Variants in TAOK3 observed in about 807,000 individuals in gnomAD.
TAOK3 encodes the protein TAO kinase 3.
In TAOK3, 40 loss-of-function variants were observed where a neutral mutation model predicts 120.4. That is an observed-to-expected ratio of 0.33 (90% CI 0.26 to 0.43). The LOEUF is 0.43. TAOK3 is among the 20% of genes least tolerant of loss of function. TAOK3 has a pLI of 1.00. For missense variants in TAOK3, 821 were observed against 1,112.1 expected (o/e 0.74, Z 3.72); for synonymous variants, 355 against 387.5 (o/e 0.92, Z 0.99).
intron 17 of TAOK3, among the ~76,000 whole-genome samples, chr12:118,171,523 A>T (rs2035994664): frequency 6.6e-6 from 1 of 152,006 alleles, no homozygotes; most frequent in African/African-American, 2.4e-5. Flanking sequence ...TGCCCAGGTA[A>T]TTTTTGTATT....
chr12:118,370,991 T>G (rs2045876905), intron 1 of TAOK3, among the ~76,000 whole-genome samples: 1 of 152,212 alleles, frequency 6.6e-6, no homozygotes, highest in Non-Finnish European at 1.5e-5. Flanking sequence ...CTCCAAAACC[T>G]CTTTTGAAAA....
chr12:118,229,242 A>G (rs1388145341), intron 9 of TAOK3, among the ~76,000 whole-genome samples: 1 of 151,996 alleles, frequency 6.6e-6, no homozygotes, highest in Non-Finnish European at 1.5e-5. Context: ...CTGGGATTAT[A>G]GGCGTGCATC....
intron 2 of TAOK3, 100 bp downstream of exon 2, chr12:118,266,555 C>T: frequency 2.5e-6 from 1 of 392,646 alleles, no homozygotes; most frequent in Non-Finnish European, 4.5e-6. Flanking sequence ...TTTTTACTTT[C>T]CCTTTTATTT....
rs542524497 is a variant in TAOK3 at position 118,323,008 on chromosome 12, G to A, written c.-194+49640C>T. Reference sequence around the variant, plus strand: ...ATTACAGGCATGAGTCACCCCGCCCGGACTTAAAACCCATTTTAAGCATCC... The same window carrying A: ...ATTACAGGCATGAGTCACCCCGCCCAGACTTAAAACCCATTTTAAGCATCC... On this transcript the variant is annotated intron_variant, in intron 1 of 20. Transcript: ENST00000392533. Among the ~76,000 whole-genome samples, 51 of 151,842 alleles carry A rather than the reference G, an allele frequency of 3.4e-4. 1 individual carries two copies. Among genetic ancestry groups the A allele is most frequent in the Non-Finnish European group, 1.2e-4 (8 of 67,986 alleles).
intron 14 of TAOK3, among the ~76,000 whole-genome samples, 161 bp from the exon 15 acceptor site, chr12:118,181,768 T>C (rs979319192): frequency 1.4e-4 from 22 of 152,246 alleles, no homozygotes; most frequent in Admixed American, 7.8e-4. Flanking sequence ...CTGTGCTAGA[T>C]AGATACTCTT....
intron 1 of TAOK3, among the ~76,000 whole-genome samples, chr12:118,326,778 G>A (rs979609170): frequency 6.6e-6 from 1 of 152,042 alleles, no homozygotes. Flanking sequence ...CAGTGCTCTG[G>A]TTTTTTTATT....
chr12:118,316,609 T>G (rs535483209), intron 1 of TAOK3, among the ~76,000 whole-genome samples: 35 of 151,802 alleles, frequency 2.3e-4, no homozygotes, highest in African/African-American at 8.5e-4. Flanking sequence ...AAAGACAAGC[T>G]CTTACAATTT....
chr12:118,250,147 G>C (rs1308140073), intron 3 of TAOK3, among the ~76,000 whole-genome samples: 1 of 150,994 alleles, frequency 6.6e-6, no homozygotes, highest in Non-Finnish European at 1.5e-5. Context: ...TTTTTTTAGA[G>C]ATGGGTTCCC....
At chr12:118,184,753 C>A (rs1377000800) in intron 14 of TAOK3, among the ~76,000 whole-genome samples, 2 of 152,076 alleles carry the variant, frequency 1.3e-5, no homozygotes, top group East Asian at 3.9e-4. Flanking sequence ...ATGTGATCAA[C>A]TAAAAGTGGG....
intron 1 of TAOK3, among the ~76,000 whole-genome samples, chr12:118,293,386 A>G (rs1175503750): frequency 6.6e-6 from 1 of 152,218 alleles, no homozygotes; most frequent in Non-Finnish European, 1.5e-5. Context: ...AGAAGGAGAG[A>G]CAAGCCACTT....
chr12:118,168,676 C>T (rs999539824), intron 17 of TAOK3, among the ~76,000 whole-genome samples: 13 of 152,136 alleles, frequency 8.5e-5, no homozygotes, highest in African/African-American at 3.1e-4. Flanking sequence ...AATACTCTTA[C>T]AGAGTTATTT....
chr12:118,300,583 GCACACACACT>G (rs952983514), intron 1 of TAOK3, among the ~76,000 whole-genome samples: 61 of 151,930 alleles, frequency 4.0e-4, no homozygotes, highest in African/African-American at 1.2e-3. Context: ...ACACATGCAC[GCACACACACT>G]CACACACACT....
chr12:118,187,761 G>A (rs1176981523), intron 14 of TAOK3, among the ~76,000 whole-genome samples: 1 of 152,192 alleles, frequency 6.6e-6, no homozygotes, highest in African/African-American at 2.4e-5. Flanking sequence ...TACTCTGTTT[G>A]TAACTTAATA....
At chr12:118,185,724 A>G (rs1416071371) in intron 14 of TAOK3, among the ~76,000 whole-genome samples, 4 of 152,262 alleles carry the variant, frequency 2.6e-5, no homozygotes, top group East Asian at 3.8e-4. Flanking sequence ...ATGCAAACTT[A>G]TAAATCCAAA....
Position 118,348,585 on chromosome 12 carries a change from G to A in TAOK3, c.-194+24063C>T, listed in dbSNP as rs538955962. 2.4e-4 allele frequency among the ~76,000 whole-genome samples: 36 copies of A among 151,506 alleles called. No homozygotes were observed. The South Asian group carries it at 6.7e-3, about 28-fold the overall frequency. On this transcript the variant is annotated intron_variant, in intron 1 of 20. Coordinates refer to ENST00000392533, the MANE Select transcript of TAOK3 (RefSeq NM_016281.4). ...CCTGCCTCAACTACCCGAGTAGCTCGGACTACAGGTGCCCGCCACCACGCC... is the reference window on the plus strand; with the variant it reads ...CCTGCCTCAACTACCCGAGTAGCTCAGACTACAGGTGCCCGCCACCACGCC...
chr12:118,162,042 A>G lies in TAOK3; in HGVS notation c.1900-15T>C. The G allele has an allele frequency of 6.2e-7, 1 of 1,610,134 alleles. No homozygotes were observed. Among genetic ancestry groups the G allele is most frequent in the Non-Finnish European group, 8.5e-7 (1 of 1,176,784 alleles). On this transcript the variant is annotated splice_polypyrimidine_tract_variant and intron_variant, in intron 17 of 20. Transcript: ENST00000392533. ...TTATTTAGTTCCTGCGTCCAGGAAC[A>G]AAAGATAAACGGAGAGAGGTGAATG... is the stretch of plus-strand genomic sequence containing the variant.
At chr12:118,270,374 G>T (rs763775193) in intron 1 of TAOK3, among the ~76,000 whole-genome samples, 4 of 152,056 alleles carry the variant, frequency 2.6e-5, no homozygotes, top group Non-Finnish European at 5.9e-5. Flanking sequence ...TCTAAAGCAT[G>T]GTTCAGATAA....
intron 17 of TAOK3, among the ~76,000 whole-genome samples, chr12:118,164,806 T>C (rs1263890363): frequency 1.3e-5 from 2 of 152,248 alleles, no homozygotes; most frequent in South Asian, 2.1e-4. Context: ...TTTATTTTAA[T>C]AGATATCATC....
intron 1 of TAOK3, among the ~76,000 whole-genome samples, chr12:118,317,401 C>A (rs2043515143): frequency 6.6e-6 from 1 of 151,466 alleles, no homozygotes; most frequent in South Asian, 2.1e-4. Flanking sequence ...TGGGTTCACG[C>A]CATTCTCCTG....
Sources: gnomAD v4.1 joint callset for allele counts (sites outside exome capture counted in the v4.1 genomes callset) on GRCh38, gnomAD v4.1.1 for gene constraint, MANE v1.5 for transcripts, NCBI Gene and HGNC (gene_info 2026-07-23, HGNC 2026-07-21) for gene names.